VWF: variants seen among roughly 807,000 people sequenced by gnomAD.
The protein encoded by VWF is von Willebrand factor, also known as Factor VIII related antigen.
A neutral mutation model predicts 308.6 loss-of-function variants in VWF; 176 were observed. That is an observed-to-expected ratio of 0.57 (90% CI 0.50 to 0.65). The LOEUF (loss-of-function observed/expected upper bound fraction) is 0.65. Among genes scored for constraint, VWF ranks in the 30% least tolerant of loss-of-function variants. The pLI is 0.00. For missense variants in VWF, 3,146 were observed against 3,648.2 expected (o/e 0.86, Z 3.55); for synonymous variants, 1,385 against 1,443.4 (o/e 0.96, Z 0.92).
intron 6 of VWF, 114 bp downstream of exon 6, chr12:6,095,346 C>T (rs146905285): frequency 1.3e-6 from 2 of 1,520,554 alleles, no homozygotes; most frequent in Non-Finnish European, 1.8e-6. Flanking sequence ...GAGGAAATGG[C>T]CCTGCGTAAG....
Position 6,018,535 on chromosome 12 carries a change from A to G in VWF, c.4883T>C (p.Ile1628Thr), listed in dbSNP as rs61750584. 1.9e-6 allele frequency: 3 copies of G among 1,613,848 alleles called. No homozygotes were observed. The highest frequency in any genetic ancestry group is 1.7e-6 in the Non-Finnish European group (2 of 1,179,884). ...CACGTTGGCATTAGGGCCCACTCCA[A>G]TGGGCACCACCTGGATGTCTCCAGG... ...RLPGDIQVVP[I>T]GVGPNANVQE... The change falls in exon 28 of 52, where the codon ATT becomes ACT. Residue 1628 changes from isoleucine (I) to threonine (T), a missense_variant. Physicochemically the swap from Ile to Thr is moderately conservative, Grantham distance 89. This residue lies in a region of VWF where 853 missense variants were observed against 1,177.8 expected (regional missense o/e 0.72). Transcript: ENST00000261405.
At position 6,031,389 on chromosome 12, in the gene VWF, T is replaced by C. The variant is rs186636171; in HGVS notation, c.2820+55A>G. On this transcript the variant is annotated intron_variant, in intron 21 of 51. Transcript: ENST00000261405. ...AATGAATGCTTGGAAAATGTTCCTATTAAGTGGCAGAAGCACAAAGCGGGA... is the reference window on the plus strand; with the variant it reads ...AATGAATGCTTGGAAAATGTTCCTACTAAGTGGCAGAAGCACAAAGCGGGA... 24 of 1,614,028 alleles carry C rather than the reference T, an allele frequency of 1.5e-5. No individual in the cohort carries two copies. In the African/African-American group the frequency reaches 1.6e-4, roughly 11 times the overall value.
At chr12:6,122,996 G>A (rs775745743) in intron 2 of VWF, 146 bp downstream of exon 2, 161 of 1,006,718 alleles carry the variant, frequency 1.6e-4, no homozygotes, top group Admixed American at 9.5e-4. Context: ...TGGGAACTCC[G>A]CAGAACCTTC....
At position 6,031,527 on chromosome 12, in the gene VWF, C is replaced by T; in HGVS notation, c.2737G>A (p.Gly913Arg). The change falls in exon 21 of 52, where the codon GGA becomes AGA. Residue 913 changes from glycine (G) to arginine (R), a missense_variant. Coordinates refer to ENST00000261405, the MANE Select transcript of VWF (RefSeq NM_000552.5). ...CATTTCACTGAGGGGTGGCTGCATC[C>T]CTTATTCCCCACTAGGATCCGAAAG... is the stretch of plus-strand genomic sequence containing the variant. ...GTFRILVGNK[G>R]CSHPSVKCKK... 6.2e-7 allele frequency: 1 copy of T among 1,614,088 alleles called. No individual in the cohort carries two copies. Among genetic ancestry groups the T allele is most frequent in the Non-Finnish European group, 8.5e-7 (1 of 1,180,022 alleles).
At chr12:6,072,547 C>T in intron 8 of VWF, 105 bp from the exon 9 acceptor site, 3 of 914,832 alleles carry the variant, frequency 3.3e-6, no homozygotes, top group Non-Finnish European at 5.3e-6. Context: ...TTCCAGGAAG[C>T]TCAAAGAACT....
At chr12:5,976,381 G>T in intron 42 of VWF, 121 bp from the exon 43 acceptor site, 2 of 1,304,364 alleles carry the variant, frequency 1.5e-6, no homozygotes, top group Non-Finnish European at 2.2e-6. Context: ...AAAACCAAAT[G>T]TGGTCTCCGC....
At chr12:5,979,972 T>G (rs1167510385) in intron 42 of VWF, among the ~76,000 whole-genome samples, 2 of 135,834 alleles carry the variant, frequency 1.5e-5, no homozygotes, top group Admixed American at 7.6e-5. Context: ...ACCCGGGAGG[T>G]GGAGCTTGCA....
intron 19 of VWF, among the ~76,000 whole-genome samples, chr12:6,035,230 C>G (rs1406493612): frequency 1.3e-5 from 2 of 152,106 alleles, no homozygotes; most frequent in East Asian, 3.9e-4. Flanking sequence ...AAGCCTGAGG[C>G]TAATGGGAAA....
chr12:6,096,103 G>A (rs1343936339), intron 5 of VWF: 1 of 162,258 alleles, frequency 6.2e-6, no homozygotes, highest in Non-Finnish European at 1.3e-5. Context: ...AAGGATGGAT[G>A]GATAGATGGA....
rs755423449 is a variant in VWF, at chr12:6,034,678, C to A, written c.2685+10G>T. The A allele has an allele frequency of 6.2e-7, 1 of 1,613,996 alleles. No individual in the cohort carries two copies. The highest frequency in any genetic ancestry group is 8.5e-7 in the Non-Finnish European group (1 of 1,179,918). Reference sequence around the variant, plus strand: ...AAACAGCACCCTCTCCCCATCTCCCCACCTCTCACCTGCACCAGAACGTAC... The same window carrying A: ...AAACAGCACCCTCTCCCCATCTCCCAACCTCTCACCTGCACCAGAACGTAC... On this transcript the variant is annotated intron_variant, in intron 20 of 51. Transcript: ENST00000261405.
chr12:6,067,746 C>T (rs1003322193), intron 10 of VWF, among the ~76,000 whole-genome samples: 21 of 152,034 alleles, frequency 1.4e-4, no homozygotes, highest in African/African-American at 2.4e-4. Flanking sequence ...CAGCTCCTGA[C>T]GAACAGCGGG....
intron 22 of VWF, among the ~76,000 whole-genome samples, chr12:6,028,330 G>A (rs1944218471): frequency 6.6e-6 from 1 of 152,178 alleles, no homozygotes; most frequent in Non-Finnish European, 1.5e-5. Context: ...CTAATATTGT[G>A]CATGATTGGT....
At chr12:5,989,357 A>C (rs1943712378) in intron 38 of VWF, among the ~76,000 whole-genome samples, 1 of 152,096 alleles carries the variant, frequency 6.6e-6, no homozygotes, top group African/African-American at 2.4e-5. Context: ...TTTATTTTTC[A>C]GTTTAAAAAA....
At chr12:6,051,516 C>T (rs1377993220) in intron 16 of VWF, among the ~76,000 whole-genome samples, 3 of 152,076 alleles carry the variant, frequency 2.0e-5, no homozygotes, top group Non-Finnish European at 2.9e-5. Context: ...CCTCGTGATC[C>T]GCCCACCTCG....
At chr12:5,971,769 ACCTACG>A in intron 43 of VWF, 60 bp from the exon 44 acceptor site, 1 of 1,418,604 alleles carries the variant, frequency 7.0e-7, no homozygotes. Context: ...AGGGGCTCTT[ACCTACG>A]CCTCCTGCGT....
intron 26 of VWF, 40 bp from the exon 27 acceptor site, chr12:6,022,075 CT>C: frequency 6.2e-7 from 1 of 1,613,444 alleles, no homozygotes; most frequent in Non-Finnish European, 8.5e-7. Flanking sequence ...AAACGCTCCC[CT>C]TTCCCACGAG....
chr12:6,064,290 C>G lies in VWF; in HGVS notation c.1388G>C (p.Gly463Ala), dbSNP rs1230440100. Residue 463 changes from glycine (G) to alanine (A), a missense_variant, in exon 12 of 52, where the codon GGA (glycine) becomes GCA (alanine). Around this residue, in one of 3 missense-constraint regions of VWF, gnomAD observed 1,304 missense variants for 1,353.0 expected, o/e 0.96. Coordinates refer to ENST00000261405, the MANE Select transcript of VWF (RefSeq NM_000552.5). ...GACGTCCTGGCCATCCATGGCAACT[C>G]CTGCCCCATGCTTCAGTTTCACAAG... is the stretch of plus-strand genomic sequence containing the variant. ...NSLVKLKHGA[G>A]VAMDGQDVQL... 8 of 1,614,114 alleles carry G rather than the reference C, an allele frequency of 5.0e-6. No individual in the cohort carries two copies. The East Asian group carries it at 1.8e-4, about 36-fold the overall frequency.
intron 46 of VWF, 51 bp downstream of exon 46, chr12:5,968,076 C>G: frequency 6.2e-7 from 1 of 1,611,650 alleles, no homozygotes; most frequent in Non-Finnish European, 8.5e-7. Flanking sequence ...TCCCACAGTA[C>G]CCCCTTCCCT....
At chr12:5,972,968 T>C (rs1235473163) in intron 43 of VWF, among the ~76,000 whole-genome samples, 1 of 152,212 alleles carries the variant, frequency 6.6e-6, no homozygotes, top group Admixed American at 6.5e-5. Flanking sequence ...GAAGGCTGAA[T>C]GATCGAGATT....
Sources: allele counts gnomAD v4.1 joint callset (sites outside exome capture counted in the v4.1 genomes callset), GRCh38; gene constraint gnomAD v4.1.1; regional missense constraint gnomAD v4.1.1; transcripts MANE v1.5; gene names NCBI Gene and HGNC (gene_info 2026-07-23, HGNC 2026-07-21).